Variants in STAC observed in about 807,000 individuals in gnomAD.
STAC encodes SH3 and cysteine-rich domain-containing protein.
A neutral mutation model predicts 48.8 loss-of-function variants in STAC; 43 were observed. The ratio of observed to expected loss-of-function variants is 0.88; its 90% CI spans 0.69 to 1.14. STAC has a LOEUF of 1.14. Among genes scored for constraint, STAC ranks in the 50% most tolerant of loss-of-function variants. STAC has a pLI of 0.00. For missense variants in STAC, 497 were observed against 504.0 expected, an observed-to-expected ratio of 0.99 and a Z score of 0.13; for synonymous variants, 193 against 179.5, an observed-to-expected ratio of 1.07 and a Z score of -0.60.
chr3:36,422,449 TAATA>T (rs1422609817), intron 1 of STAC, among the ~76,000 whole-genome samples: 1 of 152,124 alleles, frequency 6.6e-6, no homozygotes, highest in East Asian at 1.9e-4. Context: ...GCATCACCAT[TAATA>T]AATATAACTT....
chr3:36,509,353 C>T (rs140909217), intron 8 of STAC, among the ~76,000 whole-genome samples: 286 of 152,238 alleles, frequency 1.9e-3, no homozygotes, highest in African/African-American at 6.5e-3. Context: ...TTCATTTCAA[C>T]CTTGGTGAAT....
intron 8 of STAC, among the ~76,000 whole-genome samples, chr3:36,519,168 A>C (rs1266245484): frequency 1.3e-5 from 2 of 152,134 alleles, no homozygotes; most frequent in Non-Finnish European, 2.9e-5. Flanking sequence ...GTGCCAAATC[A>C]GGGGCAAAGG....
chr3:36,521,178 TG>T (rs1228362256), intron 8 of STAC, among the ~76,000 whole-genome samples: 2 of 151,932 alleles, frequency 1.3e-5, no homozygotes, highest in African/African-American at 4.8e-5. Flanking sequence ...GCTATAAACT[TG>T]ATTTAAGGTT....
At chr3:36,462,912 G>A (rs1380790559) in intron 2 of STAC, among the ~76,000 whole-genome samples, 1 of 152,110 alleles carries the variant, frequency 6.6e-6, no homozygotes, top group Non-Finnish European at 1.5e-5. Context: ...GTCAGAATGA[G>A]AAGTCTATTT....
intron 5 of STAC, among the ~76,000 whole-genome samples, chr3:36,488,395 T>C (rs1697873274): frequency 6.6e-6 from 1 of 152,242 alleles, no homozygotes; most frequent in Non-Finnish European, 1.5e-5. Flanking sequence ...ACCCCTGACT[T>C]ACTCGAGGGT....
intron 1 of STAC, among the ~76,000 whole-genome samples, chr3:36,402,416 T>C (rs1700015012): frequency 6.6e-6 from 1 of 152,132 alleles, no homozygotes; most frequent in Non-Finnish European, 1.5e-5. Flanking sequence ...CGATCTTGTA[T>C]GCATTATTCT....
Position 36,380,749 on chromosome 3 carries a change from T to C in STAC, c.106T>C (p.Ser36Pro), listed in dbSNP as rs762124372. 3.7e-5 allele frequency: 59 copies of C among 1,610,204 alleles called. 1 individual carries two copies. In the South Asian group the frequency reaches 6.3e-4, roughly 17 times the overall value. Residue 36 changes from serine (S) to proline (P), a missense_variant, in exon 1 of 11, where the codon TCC (serine) becomes CCC (proline). By Grantham distance (74) the Ser-to-Pro change is moderately conservative. Transcript: ENST00000273183. ...PSPASTSSQE[S>P]KLQKLKRSLS... ...TCCTGCATCCACCAGCAGCCAGGAATCCAAGGTACCGAGCACGCTTGCCCC... is the reference window on the plus strand; with the variant it reads ...TCCTGCATCCACCAGCAGCCAGGAACCCAAGGTACCGAGCACGCTTGCCCC...
intron 10 of STAC, among the ~76,000 whole-genome samples, chr3:36,534,507 A>C (rs1575269103): frequency 6.6e-6 from 1 of 152,338 alleles, no homozygotes; most frequent in South Asian, 2.1e-4. Flanking sequence ...TTGATTCTAA[A>C]GATAAATGCA....
intron 2 of STAC, among the ~76,000 whole-genome samples, chr3:36,455,730 G>C (rs1399361038): frequency 1.3e-5 from 2 of 151,748 alleles, no homozygotes; most frequent in Non-Finnish European, 1.5e-5. Context: ...GCCGTCCTTT[G>C]TAAATGTCTG....
intron 1 of STAC, among the ~76,000 whole-genome samples, chr3:36,419,808 G>C (rs1012747647): frequency 1.3e-5 from 2 of 152,188 alleles, no homozygotes; most frequent in African/African-American, 2.4e-5. Context: ...AGAGGATTGA[G>C]AGACAGGAGC....
chr3:36,406,081 A>G (rs1157394932), intron 1 of STAC, among the ~76,000 whole-genome samples: 1 of 152,066 alleles, frequency 6.6e-6, no homozygotes, highest in East Asian at 1.9e-4. Context: ...TGCCCCCTCT[A>G]TTAGCATGGT....
At chr3:36,486,946 C>T (rs1460075206) in intron 5 of STAC, among the ~76,000 whole-genome samples, 3 of 152,252 alleles carry the variant, frequency 2.0e-5, no homozygotes, top group African/African-American at 7.2e-5. Flanking sequence ...AGGCAAGGAC[C>T]TTCCAGTTCA....
At chr3:36,499,289 T>A (rs1187084089) in intron 6 of STAC, among the ~76,000 whole-genome samples, 1 of 152,210 alleles carries the variant, frequency 6.6e-6, no homozygotes, top group Admixed American at 6.5e-5. Flanking sequence ...AATAATGTTT[T>A]TAAAAAGTTG....
At chr3:36,526,836 C>T (rs1300746935) in intron 8 of STAC, among the ~76,000 whole-genome samples, 6 of 151,986 alleles carry the variant, frequency 3.9e-5, no homozygotes, top group South Asian at 2.1e-4. Context: ...TTCTAGAGGG[C>T]ATGGAAAAAA....
In STAC at chr3:36,466,065, T is replaced by G. The variant is rs535369368; in HGVS notation, c.389-16927T>G. Reference sequence around the variant, plus strand: ...TTTAAATATTTGATCCATCTTAAGTTGATTTTTGTATAAGGTGAGAGATGA... The same window carrying G: ...TTTAAATATTTGATCCATCTTAAGTGGATTTTTGTATAAGGTGAGAGATGA... On this transcript the variant is annotated intron_variant, in intron 2 of 10. Transcript: ENST00000273183. Among the ~76,000 whole-genome samples, 4 of 152,336 alleles carry G rather than the reference T, an allele frequency of 2.6e-5. No homozygotes were observed. In the East Asian group the frequency reaches 7.7e-4, roughly 29 times the overall value.
At chr3:36,458,700 T>C (rs1696918888) in intron 2 of STAC, among the ~76,000 whole-genome samples, 1 of 152,216 alleles carries the variant, frequency 6.6e-6, no homozygotes, top group Non-Finnish European at 1.5e-5. Context: ...TGATTGAAAG[T>C]GCCTCACCAA....
chr3:36,380,906 G>A, intron 1 of STAC, 152 bp downstream of exon 1: 1 of 596,542 alleles, frequency 1.7e-6, no homozygotes, highest in East Asian at 3.2e-5. Context: ...GGTAGGACCC[G>A]CTGCTCACGA....
chr3:36,450,675 G>A lies in STAC; in HGVS notation c.388+7035G>A, dbSNP rs546764042. Among the ~76,000 whole-genome samples, 81 of 152,170 alleles carry A rather than the reference G, an allele frequency of 5.3e-4. No individual in the cohort carries two copies. In the Middle Eastern group the frequency reaches 0.01, roughly 19 times the overall value. ...CGAGCAGCTGGGATTACAGGTGCCC[G>A]CCACCATGCCTGGCTAACTTTTATA... is the stretch of plus-strand genomic sequence containing the variant. On this transcript the variant is annotated intron_variant, in intron 2 of 10. Coordinates refer to ENST00000273183, the MANE Select transcript of STAC (RefSeq NM_003149.3).
At chr3:36,522,262 T>C (rs186503331) in intron 8 of STAC, among the ~76,000 whole-genome samples, 2 of 152,312 alleles carry the variant, frequency 1.3e-5, no homozygotes, top group East Asian at 3.9e-4. Context: ...CCCACCATGC[T>C]AGCATTTGCT....
Sources: gnomAD v4.1 joint callset for allele counts (sites outside exome capture counted in the v4.1 genomes callset) on GRCh38, gnomAD v4.1.1 for gene constraint, MANE v1.5 for transcripts, NCBI Gene and HGNC (gene_info 2026-07-23, HGNC 2026-07-21) for gene names.